Variants in ESR1 observed in about 807,000 individuals in gnomAD.
ESR1 encodes estrogen receptor.
Under a neutral mutation model 52.7 loss-of-function variants are expected in ESR1, and 12 were observed. The ratio of observed to expected loss-of-function variants is 0.23; its 90% CI spans 0.15 to 0.37. ESR1 has a LOEUF of 0.37. Among genes scored for constraint, ESR1 ranks in the 10% least tolerant of loss-of-function variants. ESR1 has a pLI of 1.00. For synonymous variants in ESR1, 305 were observed against 316.8 expected, an observed-to-expected ratio of 0.96 and a Z score of 0.39; for missense variants, 584 against 779.7, an observed-to-expected ratio of 0.75 and a Z score of 2.99.
chr6:151,948,572 T>C (rs1374248306), intron 4 of ESR1, among the ~76,000 whole-genome samples: 1 of 152,132 alleles, frequency 6.6e-6, no homozygotes, highest in Non-Finnish European at 1.5e-5. Flanking sequence ...CCTCATTCTT[T>C]TAGTGGCAAA....
chr6:151,783,894 T>G (rs1786777699), intron 2 of ESR1, among the ~76,000 whole-genome samples: 1 of 152,204 alleles, frequency 6.6e-6, no homozygotes, highest in South Asian at 2.1e-4. Context: ...GGAATACTGG[T>G]CAAGCGTTTT....
At chr6:151,993,166 G>A (rs1223973510) in intron 4 of ESR1, among the ~76,000 whole-genome samples, 5 of 152,138 alleles carry the variant, frequency 3.3e-5, no homozygotes, top group Admixed American at 2.0e-4. Context: ...TGGTTCTTCT[G>A]TAATCTAAAG....
intron 5 of ESR1, 84 bp from the exon 6 acceptor site, chr6:152,060,907 A>G (rs2047491336): frequency 1.8e-6 from 2 of 1,119,414 alleles, no homozygotes; most frequent in Non-Finnish European, 2.6e-6. Context: ...ATTTTTATGA[A>G]TGTGAACCCT....
chr6:151,948,394 A>G (rs2128547275), intron 4 of ESR1, among the ~76,000 whole-genome samples: 1 of 152,186 alleles, frequency 6.6e-6, no homozygotes, highest in Admixed American at 6.5e-5. Context: ...TGAGTTTTTT[A>G]TTGCCTGTTA....
chr6:151,724,758 C>T (rs1456869395), intron 2 of ESR1, among the ~76,000 whole-genome samples: 2 of 152,136 alleles, frequency 1.3e-5, no homozygotes, highest in African/African-American at 4.8e-5. Flanking sequence ...GAAATTCGCC[C>T]AGCGTTAATA....
chr6:151,913,112 A>G (rs1221393174), intron 3 of ESR1, among the ~76,000 whole-genome samples: 1 of 152,098 alleles, frequency 6.6e-6, no homozygotes, highest in African/African-American at 2.4e-5. Flanking sequence ...AAAAAATAAT[A>G]AAATAAAATA....
intron 5 of ESR1, among the ~76,000 whole-genome samples, chr6:152,040,829 G>C (rs567400732): frequency 3.3e-5 from 5 of 152,272 alleles, no homozygotes; most frequent in African/African-American, 9.6e-5. Flanking sequence ...AGTGCAGGCT[G>C]GGGGAGAGAA....
intron 3 of ESR1, among the ~76,000 whole-genome samples, chr6:151,913,422 A>T (rs1477037416): frequency 1.3e-5 from 2 of 152,200 alleles, no homozygotes; most frequent in African/African-American, 4.8e-5. Flanking sequence ...TATAATTAAG[A>T]TTTTGTACAT....
intron 4 of ESR1, among the ~76,000 whole-genome samples, chr6:152,002,310 T>C (rs919084185): frequency 1.3e-5 from 2 of 151,798 alleles, no homozygotes; most frequent in African/African-American, 2.4e-5. Context: ...AAGCTATCCT[T>C]GTCCATGCGG....
At chr6:151,846,847 A>C (rs1785205507) in intron 2 of ESR1, among the ~76,000 whole-genome samples, 1 of 152,172 alleles carries the variant, frequency 6.6e-6, no homozygotes, top group African/African-American at 2.4e-5. Flanking sequence ...TGTGTTTTAG[A>C]CAGAGTCCCT....
At chr6:151,977,710 G>A (rs1427595830) in intron 4 of ESR1, among the ~76,000 whole-genome samples, 1 of 151,930 alleles carries the variant, frequency 6.6e-6, no homozygotes, top group Non-Finnish European at 1.5e-5. Context: ...CACAAGAATT[G>A]CTTGAACCCA....
intron 2 of ESR1, among the ~76,000 whole-genome samples, chr6:151,746,021 T>G (rs949018156): frequency 6.6e-6 from 1 of 152,228 alleles, no homozygotes; most frequent in Non-Finnish European, 1.5e-5. Flanking sequence ...TTCATCCATG[T>G]TGCAGCACAT....
At chr6:151,710,368 A>G (rs1442735228) in intron 2 of ESR1, among the ~76,000 whole-genome samples, 2 of 152,170 alleles carry the variant, frequency 1.3e-5, no homozygotes, top group Admixed American at 1.3e-4. Flanking sequence ...AACCGTATAA[A>G]TGGCAGATGA....
intron 3 of ESR1, among the ~76,000 whole-genome samples, chr6:151,928,674 T>C (rs1296149840): frequency 1.3e-5 from 2 of 151,980 alleles, no homozygotes; most frequent in African/African-American, 4.8e-5. Flanking sequence ...TTATATATTT[T>C]TCTTATCTAA....
At chr6:151,956,839 AATAAATATAT>A (rs56106805) in intron 4 of ESR1, among the ~76,000 whole-genome samples, 77,798 of 113,824 alleles carry the variant, frequency 0.68, 23,568 homozygotes, top group Middle Eastern at 0.77. Flanking sequence ...TATAAATATA[AATAAATATAT>A]ATATATATAT....
intron 4 of ESR1, among the ~76,000 whole-genome samples, chr6:151,964,413 A>G (rs542145275): frequency 6.6e-6 from 1 of 151,842 alleles, no homozygotes; most frequent in Non-Finnish European, 1.5e-5. Flanking sequence ...TACCCCAAGT[A>G]TTTTGCTGTT....
chr6:152,042,901 T>G (rs566102800), intron 5 of ESR1, among the ~76,000 whole-genome samples: 1 of 152,278 alleles, frequency 6.6e-6, no homozygotes, highest in South Asian at 2.1e-4. Flanking sequence ...TGCCACCACT[T>G]GGCCCATGCC....
intron 2 of ESR1, among the ~76,000 whole-genome samples, chr6:151,849,433 CAGG>C (rs1785863620): frequency 6.6e-6 from 1 of 152,066 alleles, no homozygotes; most frequent in African/African-American, 2.4e-5. Flanking sequence ...ATCACGAGGT[CAGG>C]AGTTCAAGAC....
chr6:151,688,440 C>T (rs930526474), upstream of ESR1, among the ~76,000 whole-genome samples: 44 of 152,144 alleles, frequency 2.9e-4, no homozygotes, highest in African/African-American at 9.4e-4. Context: ...CAGTATCCCA[C>T]GGTTTCCTCA....
Sources: allele counts gnomAD v4.1 joint callset (sites outside exome capture counted in the v4.1 genomes callset), GRCh38; gene constraint gnomAD v4.1.1; transcripts MANE v1.5; gene names NCBI Gene and HGNC (gene_info 2026-07-23, HGNC 2026-07-21).